The following SYN3 variants were observed in gnomAD, a reference collection of about 807,000 sequenced individuals.
SYN3 encodes synapsin III, also known as synapsin-3.
In SYN3, 35 loss-of-function variants were observed where a neutral mutation model predicts 65.8. That is an observed-to-expected ratio of 0.53 (90% confidence interval 0.41 to 0.70). The LOEUF is 0.70. Ranked by LOEUF, SYN3 falls within the 30% of genes least tolerant of loss-of-function variation. The pLI is 0.00. For synonymous variants in SYN3, 270 were observed against 292.9 expected, an observed-to-expected ratio of 0.92 and a Z score of 0.80; for missense variants, 680 against 749.0, an observed-to-expected ratio of 0.91 and a Z score of 1.08.
In SYN3 at chr22:33,053,354, C is replaced by T. The variant is rs374341964; in HGVS notation, c.-163+4938G>A. On this transcript the variant is annotated intron_variant, in intron 1 of 13. Coordinates refer to ENST00000358763, the MANE Select transcript of SYN3 (RefSeq NM_003490.4). ...AGGAGAATCACTTGAACCCAGGAGGCGGAGGTTGCAGTGAGCCAAGATCAC... is the reference window on the plus strand; with the variant it reads ...AGGAGAATCACTTGAACCCAGGAGGTGGAGGTTGCAGTGAGCCAAGATCAC... Among the ~76,000 whole-genome samples the T allele has an allele frequency of 4.2e-3, 639 of 152,126 alleles. 5 individuals carry two copies. The highest frequency in any genetic ancestry group is 0.014 in the African/African-American group (601 of 41,508).
At chr22:32,650,126 A>G (rs2060040447) in intron 6 of SYN3, among the ~76,000 whole-genome samples, 1 of 151,896 alleles carries the variant, frequency 6.6e-6, no homozygotes, top group African/African-American at 2.4e-5. Context: ...AAATTTCTCT[A>G]TTCATTCTCC....
At chr22:32,937,597 G>C (rs1316000788) in intron 3 of SYN3, among the ~76,000 whole-genome samples, 1 of 152,138 alleles carries the variant, frequency 6.6e-6, no homozygotes, top group Non-Finnish European at 1.5e-5. Context: ...TAATCAACCA[G>C]ATTTTGTGAG....
At chr22:32,637,769 C>G (rs1601813397) in intron 6 of SYN3, among the ~76,000 whole-genome samples, 1 of 151,410 alleles carries the variant, frequency 6.6e-6, no homozygotes, top group South Asian at 2.1e-4. Flanking sequence ...TCTTGAGTAG[C>G]TGGGATTACA....
rs181194582 is a variant in SYN3 at position 32,877,649 on chromosome 22, A to G, written c.462-8524T>C. On this transcript the variant is annotated intron_variant, in intron 4 of 13. Coordinates refer to ENST00000358763, the MANE Select transcript of SYN3 (RefSeq NM_003490.4). The stretch of plus-strand genomic sequence containing the variant: ...CACCCTGCTAGAGAAGCCCTGCTGC[A>G]GGGCTCCTCTTGTCCTCTGTGGCTT... 3.6e-3 allele frequency among the ~76,000 whole-genome samples: 546 copies of G among 152,278 alleles called. 2 individuals carry two copies. Among genetic ancestry groups the G allele is most frequent in the African/African-American group, 0.012 (518 of 41,556 alleles).
intron 6 of SYN3, among the ~76,000 whole-genome samples, chr22:32,670,315 T>C (rs1418789141): frequency 5.9e-5 from 9 of 152,148 alleles, no homozygotes; most frequent in Admixed American, 5.9e-4. Context: ...AAAAGGAGAA[T>C]AGAGATTTGA....
intron 1 of SYN3, among the ~76,000 whole-genome samples, chr22:33,012,151 C>CT (rs1272765510): frequency 1.3e-5 from 2 of 152,076 alleles, no homozygotes; most frequent in Non-Finnish European, 2.9e-5. Context: ...ATTTTAAACT[C>CT]TTTTTTTCCC....
rs968617040 is a variant in SYN3 at position 33,008,807 on chromosome 22, C to T, written c.-162-1983G>A. Among the ~76,000 whole-genome samples, 7 of 151,218 alleles carry T rather than the reference C, an allele frequency of 4.6e-5. 1 individual carries two copies. Among genetic ancestry groups the T allele is most frequent in the East Asian group, 3.9e-4 (2 of 5,140 alleles). ...GGGTGTGGTGGTGTGGGCCTGTACG[C>T]CCAGCTACTGGGGAGGCTGAGGCAC... On this transcript the variant is annotated intron_variant, in intron 1 of 13. Coordinates refer to ENST00000358763, the MANE Select transcript of SYN3 (RefSeq NM_003490.4).
rs111329865 is a variant in SYN3, at chr22:33,044,656, T to C, written c.-163+13636A>G. 5.6e-3 allele frequency among the ~76,000 whole-genome samples: 854 copies of C among 151,864 alleles called. 10 individuals carry two copies. The highest frequency in any genetic ancestry group is 0.02 in the African/African-American group (811 of 41,406). ...TCTCCAAGTCGGAATTCCTACTAAATGCTGAAATCCCATTTCAAACATCAC... is the reference window on the plus strand; with the variant it reads ...TCTCCAAGTCGGAATTCCTACTAAACGCTGAAATCCCATTTCAAACATCAC... On this transcript the variant is annotated intron_variant, in intron 1 of 13. Transcript: ENST00000358763.
In SYN3 at chr22:33,039,695, C is replaced by G. The variant is rs563075393; in HGVS notation, c.-163+18597G>C. Among the ~76,000 whole-genome samples, 220 of 152,186 alleles carry G rather than the reference C, an allele frequency of 1.4e-3. No individual in the cohort carries two copies. The South Asian group carries it at 0.017, about 12-fold the overall frequency. On this transcript the variant is annotated intron_variant, in intron 1 of 13. Transcript: ENST00000358763. ...TGCTGGGATTACGGGCGTGAGCCAC[C>G]GCGCCTGGCCTCAAATGTCACCTTT...
At chr22:32,608,672 G>C (rs949783267) in intron 6 of SYN3, among the ~76,000 whole-genome samples, 1 of 152,204 alleles carries the variant, frequency 6.6e-6, no homozygotes, top group Non-Finnish European at 1.5e-5. Context: ...AAGCCAGGCA[G>C]ACTTGCGTTT....
chr22:32,887,131 C>G (rs1043163936), intron 4 of SYN3, among the ~76,000 whole-genome samples: 3 of 152,174 alleles, frequency 2.0e-5, no homozygotes, highest in African/African-American at 7.2e-5. Context: ...AATCCCAGTA[C>G]TTTGGGAGGT....
intron 4 of SYN3, among the ~76,000 whole-genome samples, chr22:32,925,463 G>A (rs576676552): frequency 4.8e-4 from 73 of 152,282 alleles, no homozygotes; most frequent in African/African-American, 1.7e-3. Context: ...CCTGAATGCT[G>A]GAAGAACTGC....
At chr22:32,836,194 CTG>C (rs1335422953) in intron 6 of SYN3, among the ~76,000 whole-genome samples, 4 of 152,194 alleles carry the variant, frequency 2.6e-5, no homozygotes, top group Admixed American at 2.6e-4. Context: ...GTAAGATGTA[CTG>C]TTTGTAAAGT....
At chr22:32,592,964 T>C (rs920366548) in intron 7 of SYN3, among the ~76,000 whole-genome samples, 2 of 152,196 alleles carry the variant, frequency 1.3e-5, no homozygotes, top group African/African-American at 2.4e-5. Context: ...CCTGGGTAGA[T>C]TTCAAGCAAC....
intron 9 of SYN3, 122 bp from the exon 10 acceptor site, chr22:32,534,017 G>A (rs1177757198): frequency 1.3e-5 from 8 of 634,510 alleles, no homozygotes; most frequent in African/African-American, 5.4e-5. Flanking sequence ...ACATCCAGAC[G>A]GCGATGGAGA....
At chr22:32,838,816 C>T (rs150540609) in intron 6 of SYN3, among the ~76,000 whole-genome samples, 103 of 152,028 alleles carry the variant, frequency 6.8e-4, no homozygotes, top group African/African-American at 2.4e-3. Flanking sequence ...TTCATTCATT[C>T]AACATTTTTG....
At chr22:32,581,639 A>T (rs2058943569) in intron 7 of SYN3, among the ~76,000 whole-genome samples, 1 of 152,082 alleles carries the variant, frequency 6.6e-6, no homozygotes. Flanking sequence ...AAGATACCCT[A>T]AGTGGGTGGC....
intron 1 of SYN3, among the ~76,000 whole-genome samples, chr22:33,056,191 T>C (rs2054250931): frequency 6.6e-6 from 1 of 152,194 alleles, no homozygotes; most frequent in African/African-American, 2.4e-5. Flanking sequence ...GCTATTATTA[T>C]TAAAAGCTCC....
rs918485030 is a variant in SYN3, at chr22:32,512,117, T to G, written c.*1575A>C. Among the ~76,000 whole-genome samples the G allele has an allele frequency of 2.0e-5, 3 of 152,156 alleles. No individual in the cohort carries two copies. Among genetic ancestry groups the G allele is most frequent in the African/African-American group, 7.2e-5 (3 of 41,446 alleles). On this transcript the variant is annotated 3_prime_UTR_variant, in exon 14 of 14. Transcript: ENST00000358763. ...GGGTCTCTGGCCCTGACGTCACCAC[T>G]CCAGTTTGGTTTTGAAGGACCAAAA...
Sources: allele counts gnomAD v4.1 joint callset (sites outside exome capture counted in the v4.1 genomes callset), GRCh38; gene constraint gnomAD v4.1.1; transcripts MANE v1.5; gene names NCBI Gene and HGNC (gene_info 2026-07-23, HGNC 2026-07-21).